PLCE1: variants seen among roughly 807,000 people sequenced by gnomAD.
PLCE1 encodes the protein phospholipase C epsilon 1, also known as 1-phosphatidylinositol 4,5-bisphosphate phosphodiesterase epsilon-1.
Under a neutral mutation model 242.8 loss-of-function variants are expected in PLCE1, and 119 were observed. The observed-to-expected ratio is 0.49, with a 90% confidence interval of 0.42 to 0.57. The LOEUF (loss-of-function observed/expected upper bound fraction) is 0.57, where lower values mean the gene tolerates loss of function less well. PLCE1 is among the 20% of genes least tolerant of loss of function. The pLI is 0.00. For missense variants in PLCE1, 2,441 were observed against 2,788.8 expected (o/e 0.88, Z 2.81); for synonymous variants, 945 against 1,017.4 (o/e 0.93, Z 1.35).
intron 14 of PLCE1, 103 bp downstream of exon 14, chr10:94,262,835 T>A: frequency 1.1e-6 from 1 of 906,886 alleles, no homozygotes; most frequent in South Asian, 1.3e-5. Context: ...CCAAAGCCTT[T>A]AAATCTGGGA....
rs750384818 is a variant in PLCE1 at position 94,179,512 on chromosome 10, G to GTTTTTTTTTGTTTTTTGTTT, written c.1809+8025_1809+8026insGTTTTTTGTTTTTTTTTTTT. ...TTTATCTTATTTTTATTTTAGTTTA[G>GTTTTTTTTTGTTTTTTGTTT]TTTTTTTTTTTTTTTTTTGACAGGG... is the stretch of plus-strand genomic sequence containing the variant. On this transcript the variant is annotated intron_variant, in intron 4 of 32. Coordinates refer to ENST00000371380, the MANE Select transcript of PLCE1 (RefSeq NM_016341.4). Among the ~76,000 whole-genome samples, 9 of 19,398 alleles carry GTTTTTTTTTGTTTTTTGTTT rather than the reference G, an allele frequency of 4.6e-4. 1 individual carries two copies. The highest frequency in any genetic ancestry group is 4.8e-3 in the East Asian group (2 of 416). The allele number at this position is 19,398 out of a possible 152,430, so 12.7% of individuals were successfully genotyped here.
chr10:94,326,087 G>A (rs147763244), intron 32 of PLCE1, among the ~76,000 whole-genome samples: 2 of 152,006 alleles, frequency 1.3e-5, no homozygotes, highest in African/African-American at 2.4e-5. Flanking sequence ...TCTCCTTTTC[G>A]CTTAGTTTCC....
At position 94,255,010 on chromosome 10, in the gene PLCE1, C is replaced by T. The variant is rs1296521084; in HGVS notation, c.3515C>T (p.Ser1172Phe). The T allele has an allele frequency of 1.2e-6, 2 of 1,614,168 alleles. No individual in the cohort carries two copies. The highest frequency in any genetic ancestry group is 1.1e-5 in the South Asian group (1 of 91,080). ...AGTSSPIRPV[S>F]SPVLSSSNKS... ...ACGTCATCTCCCATCAGGCCAGTGT[C>T]CTCCCCTGTGCTGTCTTCTTCAAAC... is the stretch of plus-strand genomic sequence containing the variant. Residue 1172 changes from serine (S) to phenylalanine (F), a missense_variant, in exon 11 of 33, where the codon TCC (serine) becomes TTC (phenylalanine). Around this residue, in one of 5 missense-constraint regions of PLCE1, gnomAD observed 1,004 missense variants for 1,322.7 expected, o/e 0.76. Transcript: ENST00000371380.
At chr10:94,008,214 A>AG (rs2061086115) in intron 1 of PLCE1, among the ~76,000 whole-genome samples, 2 of 119,340 alleles carry the variant, frequency 1.7e-5, no homozygotes, top group South Asian at 2.8e-4. Flanking sequence ...AAAAAAAAAA[A>AG]GTAACAATAT....
chr10:94,304,453 A>G, intron 24 of PLCE1, 29 bp from the exon 25 acceptor site: 1 of 1,607,448 alleles, frequency 6.2e-7, no homozygotes, highest in Non-Finnish European at 8.5e-7. Flanking sequence ...AACAAGCTAT[A>G]TTGGCTTTCT....
At chr10:94,093,163 C>A (rs2045144347) in intron 2 of PLCE1, among the ~76,000 whole-genome samples, 1 of 152,164 alleles carries the variant, frequency 6.6e-6, no homozygotes, top group African/African-American at 2.4e-5. Context: ...TAGCAGCCCC[C>A]TAAACCTTGG....
chr10:94,187,378 C>T (rs748184373), intron 4 of PLCE1, among the ~76,000 whole-genome samples: 21 of 152,138 alleles, frequency 1.4e-4, no homozygotes, highest in Non-Finnish European at 2.5e-4. Flanking sequence ...GCCCCATCAT[C>T]TAACACATAA....
At chr10:94,101,108 G>A (rs549627985) in intron 2 of PLCE1, among the ~76,000 whole-genome samples, 1 of 152,284 alleles carries the variant, frequency 6.6e-6, no homozygotes, top group East Asian at 1.9e-4. Context: ...TTGTTTGTCA[G>A]AAGCCCTGCC....
At chr10:94,050,980 C>A (rs1029972092) in intron 2 of PLCE1, among the ~76,000 whole-genome samples, 1 of 152,028 alleles carries the variant, frequency 6.6e-6, no homozygotes, top group African/African-American at 2.4e-5. Context: ...TAACTCTGGC[C>A]AGTTTATGGG....
At chr10:94,050,325 G>T (rs2043728358) in intron 2 of PLCE1, among the ~76,000 whole-genome samples, 1 of 152,114 alleles carries the variant, frequency 6.6e-6, no homozygotes. Context: ...TGTGAAGGGG[G>T]AACTGTCAAA....
chr10:94,091,634 G>C (rs985319792), intron 2 of PLCE1, among the ~76,000 whole-genome samples: 24 of 152,166 alleles, frequency 1.6e-4, no homozygotes, highest in African/African-American at 5.6e-4. Flanking sequence ...TCTTGAGATA[G>C]TTGGCAATGA....
intron 25 of PLCE1, 87 bp downstream of exon 25, chr10:94,304,732 G>T: frequency 1.5e-6 from 2 of 1,304,594 alleles, no homozygotes; most frequent in Non-Finnish European, 2.2e-6. Context: ...GCATTGGAAA[G>T]CTGTCATGTC....
At position 94,221,158 on chromosome 10, in the gene PLCE1, C is replaced by A. The variant is rs183994028; in HGVS notation, c.1810-6148C>A. Among the ~76,000 whole-genome samples, 231 of 152,322 alleles carry A rather than the reference C, an allele frequency of 1.5e-3. 1 individual carries two copies. The highest frequency in any genetic ancestry group is 5.1e-3 in the African/African-American group (213 of 41,570). ...TCACCAGGGAGTTTATCTGAAAATG[C>A]AAATTATTGATCTCTGGCCTTAAGA... On this transcript the variant is annotated intron_variant, in intron 4 of 32. Transcript: ENST00000371380.
rs749337785 is a variant in PLCE1 at position 94,298,550 on chromosome 10, C to T, written c.5339C>T (p.Thr1780Ile). The T allele has an allele frequency of 6.2e-7, 1 of 1,614,116 alleles. No individual in the cohort carries two copies. Among genetic ancestry groups the T allele is most frequent in the East Asian group, 2.2e-5 (1 of 44,874 alleles). The stretch of plus-strand genomic sequence containing the variant: ...TATTCTCAGAAACTGACCCAGCACA[C>T]CGCCTGTCAGCTGCTGAGAACTTAC... ...RRYSQKLTQH[T>I]ACQLLRTYPA... The change falls in exon 24 of 33, where the codon ACC (threonine) becomes ATC (isoleucine). Residue 1780 changes from threonine to isoleucine, a missense_variant. Transcript: ENST00000371380. This position sits in a 1 kb window ranked among gnomAD's most constrained non-coding sequence, Gnocchi z 5.2.
chr10:94,116,295 TATA>T (rs1217058479), intron 2 of PLCE1, among the ~76,000 whole-genome samples: 5 of 152,246 alleles, frequency 3.3e-5, no homozygotes, highest in African/African-American at 4.8e-5. Flanking sequence ...TGTGTCTGAA[TATA>T]ATAATGATGT....
chr10:94,171,135 G>T (rs2047960915), intron 3 of PLCE1, 45 bp from the exon 4 acceptor site: 1 of 1,457,662 alleles, frequency 6.9e-7, no homozygotes, highest in Non-Finnish European at 9.6e-7. Flanking sequence ...TGTTGCAGGG[G>T]ACACCAGATT....
chr10:94,306,717 ATTG>A lies in PLCE1; in HGVS notation c.5884+34_5884+36del, dbSNP rs762314333. On this transcript the variant is annotated intron_variant, in intron 26 of 32. Coordinates refer to ENST00000371380, the MANE Select transcript of PLCE1 (RefSeq NM_016341.4). This position sits in a 1 kb window ranked among gnomAD's most constrained non-coding sequence, Gnocchi z 5.7. ...GAATAAAATTGTCCAAATGTTAATA[ATTG>A]TTGTAGCTAGGTGATGGATGCCAGA... 1.3e-6 allele frequency: 2 copies of A among 1,561,694 alleles called. No homozygotes were observed. Among genetic ancestry groups the A allele is most frequent in the East Asian group, 2.3e-5 (1 of 44,154 alleles).
intron 4 of PLCE1, among the ~76,000 whole-genome samples, chr10:94,213,032 C>A (rs1347067322): frequency 6.6e-6 from 1 of 152,182 alleles, no homozygotes; most frequent in Non-Finnish European, 1.5e-5. Context: ...CTGCTGGGCC[C>A]TTGTTTGACT....
In PLCE1 at chr10:94,236,134, G is replaced by C. The variant is rs370397445; in HGVS notation, c.2420+14G>C. The C allele has an allele frequency of 6.9e-6, 11 of 1,605,346 alleles. No homozygotes were observed. The highest frequency in any genetic ancestry group is 1.1e-5 in the South Asian group (1 of 90,788). On this transcript the variant is annotated intron_variant, in intron 7 of 32. Coordinates refer to ENST00000371380, the MANE Select transcript of PLCE1 (RefSeq NM_016341.4). ...AAGCCGATGGCAGTAAGTTTTACAC[G>C]TTAAAAGTGAGGAATGCTCATCTCT... is the stretch of plus-strand genomic sequence containing the variant.
Sources: gnomAD v4.1 joint callset for allele counts (sites outside exome capture counted in the v4.1 genomes callset) on GRCh38, gnomAD v4.1.1 for gene constraint, gnomAD v4.1.1 regional missense constraint, Gnocchi (gnomAD v3.1) non-coding constraint, MANE v1.5 for transcripts, NCBI Gene and HGNC (gene_info 2026-07-23, HGNC 2026-07-21) for gene names.